Variants in COL5A2 observed in about 807,000 individuals in gnomAD.
COL5A2 encodes the protein collagen alpha-2(V) chain.
Under a neutral mutation model 208.2 loss-of-function variants are expected in COL5A2, and 23 were observed. That is an observed-to-expected ratio of 0.11 (90% confidence interval 0.08 to 0.16). The LOEUF (loss-of-function observed/expected upper bound fraction) is 0.16. Ranked by LOEUF, COL5A2 falls within the 10% of genes least tolerant of loss-of-function variation. The pLI, the probability that COL5A2 is intolerant of heterozygous loss-of-function variation, is 1.00. For synonymous variants in COL5A2, 625 were observed against 628.5 expected (o/e 0.99, Z 0.08); for missense variants, 1,590 against 1,956.4 (o/e 0.81, Z 3.53).
the COL5A2 span, among the ~76,000 whole-genome samples, chr2:189,364,620 G>A: frequency 6.6e-6 from 1 of 151,992 alleles, no homozygotes; most frequent in African/African-American, 2.4e-5. Context: ...CCAGGTGGAG[G>A]TTGCAGTAAA....
At chr2:189,138,177 T>C (rs1006969750) in intron 1 of COL5A2, among the ~76,000 whole-genome samples, 2 of 152,110 alleles carry the variant, frequency 1.3e-5, no homozygotes, top group African/African-American at 2.4e-5. Flanking sequence ...GGTTGCACCA[T>C]GTTGGCCAGG....
At chr2:189,132,214 A>G (rs1687729955) in intron 1 of COL5A2, among the ~76,000 whole-genome samples, 1 of 152,226 alleles carries the variant, frequency 6.6e-6, no homozygotes, top group South Asian at 2.1e-4. Context: ...TGGTTTTTAG[A>G]GACATAAGTA....
rs1477199619 is a variant in COL5A2 at position 189,042,780 on chromosome 2, A to G, written c.3472-7T>C. On this transcript the variant is annotated splice_polypyrimidine_tract_variant and splice_region_variant and intron_variant, in intron 48 of 53. Coordinates refer to ENST00000374866, the MANE Select transcript of COL5A2 (RefSeq NM_000393.5). ...CTTGTTCACCATTTGGACCCTAAGT[A>G]GGAATACAATAAAAAATGTTGCCAA... 1 of 1,602,946 alleles carries G rather than the reference A, an allele frequency of 6.2e-7. No homozygotes were observed. Among genetic ancestry groups the G allele is most frequent in the Admixed American group, 1.7e-5 (1 of 59,316 alleles).
intron 7 of COL5A2, 117 bp from the exon 8 acceptor site, chr2:189,088,889 A>G: frequency 2.3e-6 from 2 of 854,550 alleles, no homozygotes; most frequent in Non-Finnish European, 4.0e-6. Context: ...TCTGAGAATC[A>G]TTCTAAGTGC....
chr2:189,419,648 T>G, the COL5A2 span, among the ~76,000 whole-genome samples: 8 of 150,948 alleles, frequency 5.3e-5, no homozygotes, highest in South Asian at 1.7e-3. Flanking sequence ...TTTTTTTAAT[T>G]AACCAAGAGT....
chr2:189,051,912 G>T (rs1314786204), intron 41 of COL5A2, among the ~76,000 whole-genome samples: 4 of 152,020 alleles, frequency 2.6e-5, no homozygotes, highest in Non-Finnish European at 4.4e-5. Flanking sequence ...ACATAATACT[G>T]TAAGTATTCA....
At chr2:189,068,292 T>C in intron 19 of COL5A2, 22 bp from the exon 20 acceptor site, 1 of 1,595,038 alleles carries the variant, frequency 6.3e-7, no homozygotes. Flanking sequence ...ATTAAAAGTA[T>C]GTAATGAAAT....
chr2:189,267,790 G>C, the COL5A2 span, among the ~76,000 whole-genome samples: 17 of 152,192 alleles, frequency 1.1e-4, no homozygotes, highest in Admixed American at 3.9e-4. Context: ...AAACATAAAT[G>C]GTTTACTAAA....
intron 1 of COL5A2, among the ~76,000 whole-genome samples, chr2:189,113,469 C>T (rs1687322732): frequency 6.6e-6 from 1 of 151,506 alleles, no homozygotes. Context: ...ATATGTGTTC[C>T]TTTCTGTCCT....
the COL5A2 span, among the ~76,000 whole-genome samples, chr2:189,278,478 AG>A: frequency 6.6e-6 from 1 of 152,144 alleles, no homozygotes; most frequent in African/African-American, 2.4e-5. Context: ...TGGAAGAAAC[AG>A]AAAATTAAAC....
intron 27 of COL5A2, 33 bp downstream of exon 27, chr2:189,063,139 T>A: frequency 6.2e-7 from 1 of 1,609,634 alleles, no homozygotes; most frequent in Non-Finnish European, 8.5e-7. Context: ...AGGATCATGA[T>A]GAGGTGGCCA....
At chr2:189,378,210 T>C in the COL5A2 span, among the ~76,000 whole-genome samples, 2 of 152,144 alleles carry the variant, frequency 1.3e-5, no homozygotes, top group South Asian at 4.1e-4. Context: ...ATCTTAACTG[T>C]TTACATTAAG....
At chr2:189,109,210 C>T (rs2105709596) in intron 2 of COL5A2, among the ~76,000 whole-genome samples, 1 of 152,062 alleles carries the variant, frequency 6.6e-6, no homozygotes, top group Middle Eastern at 3.4e-3. Context: ...CACTTATCCC[C>T]ACGGATTTAA....
chr2:189,036,856 A>C (rs1026618810), intron 51 of COL5A2, 53 bp from the exon 52 acceptor site: 1 of 1,315,198 alleles, frequency 7.6e-7, no homozygotes, highest in Non-Finnish European at 1.1e-6. Flanking sequence ...AATCATGACT[A>C]TAAGTCTCCA....
intron 6 of COL5A2, 56 bp downstream of exon 6, chr2:189,097,221 A>G: frequency 6.5e-7 from 1 of 1,542,316 alleles, no homozygotes; most frequent in Non-Finnish European, 9.0e-7. Context: ...TTCAGAGAAC[A>G]CAGTGTAAAC....
chr2:189,310,307 A>G, the COL5A2 span, among the ~76,000 whole-genome samples: 9 of 152,366 alleles, frequency 5.9e-5, no homozygotes, highest in Middle Eastern at 3.4e-3. Flanking sequence ...GCAAACAGGC[A>G]TATGAAAAGG....
chr2:189,138,604 T>A (rs1011159562), intron 1 of COL5A2, among the ~76,000 whole-genome samples: 1 of 152,138 alleles, frequency 6.6e-6, no homozygotes. Context: ...TCTGATAGCA[T>A]TCTCCAATAT....
chr2:189,437,221 C>T, the COL5A2 span, among the ~76,000 whole-genome samples: 1 of 152,142 alleles, frequency 6.6e-6, no homozygotes, highest in South Asian at 2.1e-4. Flanking sequence ...AAGCATCAAG[C>T]ACGTGGCTGG....
chr2:189,416,222 A>G, the COL5A2 span, among the ~76,000 whole-genome samples: 2 of 152,306 alleles, frequency 1.3e-5, no homozygotes, highest in South Asian at 2.1e-4. Flanking sequence ...TATATACCCA[A>G]AGGATTATAA....
Sources: allele counts gnomAD v4.1 joint callset (sites outside exome capture counted in the v4.1 genomes callset), GRCh38; gene constraint gnomAD v4.1.1; transcripts MANE v1.5; gene names NCBI Gene and HGNC (gene_info 2026-07-23, HGNC 2026-07-21).